CHSY3: variants seen among roughly 807,000 people sequenced by gnomAD.
The protein encoded by CHSY3 is chondroitin sulfate synthase 3, also known as N-acetylgalactosaminyl-proteoglycan 3-beta-glucuronosyltransferase 3.
In CHSY3, 35 loss-of-function variants were observed where a neutral mutation model predicts 67.2. The ratio of observed to expected loss-of-function variants is 0.52; its 90% CI spans 0.40 to 0.69. CHSY3 has a LOEUF of 0.69. Ranked by LOEUF, CHSY3 falls within the 30% of genes least tolerant of loss-of-function variation. The pLI is 0.00. For synonymous variants in CHSY3, 474 were observed against 434.7 expected, an observed-to-expected ratio of 1.09 and a Z score of -1.12; for missense variants, 1,069 against 1,138.5, an observed-to-expected ratio of 0.94 and a Z score of 0.88.
chr5:130,057,224 A>T lies in CHSY3; in HGVS notation c.1087-127005A>T, dbSNP rs368111420. ...CAGGCGTGAGCCACCGCACCCAGCC[A>T]TATTTTTAGCATTTCTTTTTTTAAA... is the stretch of plus-strand genomic sequence containing the variant. On this transcript the variant is annotated intron_variant, in intron 2 of 2. Transcript: ENST00000305031. 7.9e-5 allele frequency among the ~76,000 whole-genome samples: 12 copies of T among 152,134 alleles called. No homozygotes were observed. In the East Asian group the frequency reaches 2.3e-3, roughly 29 times the overall value.
At chr5:129,988,112 A>G (rs1261967304) in intron 2 of CHSY3, among the ~76,000 whole-genome samples, 1 of 152,222 alleles carries the variant, frequency 6.6e-6, no homozygotes, top group African/African-American at 2.4e-5. Flanking sequence ...TCAAAATGGC[A>G]TTTGTACTCA....
At chr5:130,075,384 C>T (rs949010817) in intron 2 of CHSY3, among the ~76,000 whole-genome samples, 8 of 152,078 alleles carry the variant, frequency 5.3e-5, no homozygotes, top group Non-Finnish European at 1.0e-4. Context: ...ATATTATATA[C>T]TTTAATTACT....
chr5:130,097,687 T>G (rs1358515495), intron 2 of CHSY3, among the ~76,000 whole-genome samples: 2 of 152,166 alleles, frequency 1.3e-5, no homozygotes, highest in Non-Finnish European at 2.9e-5. Context: ...GAGATAATTG[T>G]AGATTCACAT....
At chr5:129,944,392 C>T (rs6894629) in intron 2 of CHSY3, among the ~76,000 whole-genome samples, 1,710 of 152,058 alleles carry the variant, frequency 0.011, 39 homozygotes, top group African/African-American at 0.038. Context: ...GGACAATTAA[C>T]GAATTTTTTT....
chr5:130,020,434 T>A (rs1339217336), intron 2 of CHSY3, among the ~76,000 whole-genome samples: 8 of 1,578 alleles, frequency 5.1e-3, no homozygotes, highest in African/African-American at 8.8e-3. Context: ...TATATATATA[T>A]ATATATATAT....
chr5:129,931,636 G>A (rs191882559), intron 2 of CHSY3, among the ~76,000 whole-genome samples: 2 of 152,104 alleles, frequency 1.3e-5, no homozygotes, highest in Non-Finnish European at 2.9e-5. Flanking sequence ...TATATAGGCC[G>A]TTACTAAATG....
chr5:130,094,357 G>A (rs1358040473), intron 2 of CHSY3, among the ~76,000 whole-genome samples: 6 of 152,086 alleles, frequency 3.9e-5, no homozygotes, highest in Non-Finnish European at 5.9e-5. Context: ...GAATACTAAC[G>A]TATTATAAAA....
intron 2 of CHSY3, chr5:130,139,926 T>C (rs1322330793): frequency 1.3e-5 from 2 of 152,278 alleles, no homozygotes; most frequent in Admixed American, 1.3e-4. Context: ...ACTGACGGAA[T>C]TTTGAAGCTT....
intron 2 of CHSY3, among the ~76,000 whole-genome samples, chr5:130,063,615 G>A (rs554320987): frequency 2.0e-5 from 3 of 152,066 alleles, no homozygotes; most frequent in South Asian, 2.1e-4. Flanking sequence ...GTTCTGTTAC[G>A]TCTTAGTGCA....
intron 2 of CHSY3, among the ~76,000 whole-genome samples, chr5:130,077,985 T>C (rs1766327335): frequency 6.6e-6 from 1 of 152,124 alleles, no homozygotes. Context: ...CACTTAATAC[T>C]TGCCAGTCAC....
chr5:130,110,118 T>C (rs10478909), intron 2 of CHSY3, among the ~76,000 whole-genome samples: 41,233 of 151,614 alleles, frequency 0.27, 5,702 homozygotes, highest in South Asian at 0.37. Flanking sequence ...CCTGGCTGCT[T>C]CTGAAATTTT....
intron 2 of CHSY3, among the ~76,000 whole-genome samples, chr5:129,962,176 T>A (rs767419365): frequency 6.6e-6 from 1 of 152,002 alleles, no homozygotes; most frequent in Non-Finnish European, 1.5e-5. Flanking sequence ...CAATCAAGAC[T>A]CAGACTCAAC....
rs577693236 is a variant in CHSY3 at position 129,913,782 on chromosome 5, T to C, written c.1086+5422T>C. 2.6e-5 allele frequency among the ~76,000 whole-genome samples: 4 copies of C among 152,324 alleles called. No homozygotes were observed. The South Asian group carries it at 8.3e-4, about 32-fold the overall frequency. Reference sequence around the variant, plus strand: ...ATTTCAAAGACAGCAGGGTTCTATGTTGGTAAAAATATTTATCTGTAGTTT... The same window carrying C: ...ATTTCAAAGACAGCAGGGTTCTATGCTGGTAAAAATATTTATCTGTAGTTT... On this transcript the variant is annotated intron_variant, in intron 2 of 2. Transcript: ENST00000305031.
At chr5:129,925,640 A>C (rs1234046797) in intron 2 of CHSY3, among the ~76,000 whole-genome samples, 2 of 152,124 alleles carry the variant, frequency 1.3e-5, no homozygotes, top group East Asian at 3.9e-4. Context: ...TAACTATAAT[A>C]ATCACAACGT....
intron 2 of CHSY3, among the ~76,000 whole-genome samples, chr5:129,918,829 C>T (rs544278486): frequency 5.3e-5 from 8 of 151,078 alleles, no homozygotes; most frequent in African/African-American, 1.9e-4. Context: ...AAAAATTGGC[C>T]GGGCGCGGTG....
Position 130,185,536 on chromosome 5 carries a change from C to G in CHSY3, c.2394C>G (p.Thr798=). The change falls in exon 3 of 3, where the codon ACC becomes ACG. Residue 798 remains threonine (T), a synonymous_variant. Coordinates refer to ENST00000305031, the MANE Select transcript of CHSY3 (RefSeq NM_175856.5). ...SDLLGAGGFD[T]SIQGWGLEDV... ...TTCTAGGTGCAGGTGGATTTGATAC[C>G]TCAATACAAGGCTGGGGACTAGAAG... The G allele has an allele frequency of 6.2e-7, 1 of 1,614,076 alleles. No individual in the cohort carries two copies. Among genetic ancestry groups the G allele is most frequent in the Non-Finnish European group, 8.5e-7 (1 of 1,179,980 alleles).
chr5:129,923,574 G>A (rs244744), intron 2 of CHSY3, among the ~76,000 whole-genome samples: 85,494 of 151,978 alleles, frequency 0.56, 24,126 homozygotes, highest in Middle Eastern at 0.63. Context: ...GTGCAGTTAT[G>A]AATAGGGTGG....
intron 2 of CHSY3, among the ~76,000 whole-genome samples, chr5:130,084,417 T>C (rs1766544246): frequency 6.6e-6 from 1 of 151,906 alleles, no homozygotes; most frequent in Non-Finnish European, 1.5e-5. Flanking sequence ...TTGACAAAGA[T>C]TCAAACTCTG....
At chr5:129,971,266 A>G (rs1014761602) in intron 2 of CHSY3, among the ~76,000 whole-genome samples, 3 of 151,834 alleles carry the variant, frequency 2.0e-5, no homozygotes, top group African/African-American at 4.8e-5. Flanking sequence ...GATAATAGAT[A>G]TTCAATTAAT....
Sources: allele counts gnomAD v4.1 joint callset (sites outside exome capture counted in the v4.1 genomes callset), GRCh38; gene constraint gnomAD v4.1.1; transcripts MANE v1.5; gene names NCBI Gene and HGNC (gene_info 2026-07-23, HGNC 2026-07-21).